PHKB: variants seen among roughly 807,000 people sequenced by gnomAD.
The protein encoded by PHKB is phosphorylase kinase regulatory subunit beta.
PHKB carries 122 observed loss-of-function variants against 152.1 expected under a neutral mutation model. The observed-to-expected ratio is 0.80, with a 90% confidence interval of 0.69 to 0.93. PHKB has a LOEUF of 0.93. Ranked by LOEUF, PHKB falls within the 40% of genes least tolerant of loss-of-function variation. The pLI is 0.00. For missense variants in PHKB, 1,304 were observed against 1,328.4 expected, an observed-to-expected ratio of 0.98 and a Z score of 0.29; for synonymous variants, 436 against 464.9, an observed-to-expected ratio of 0.94 and a Z score of 0.80.
At chr16:47,595,600 G>A (rs998524964) in intron 12 of PHKB, among the ~76,000 whole-genome samples, 1 of 152,158 alleles carries the variant, frequency 6.6e-6, no homozygotes, top group African/African-American at 2.4e-5. Flanking sequence ...CTCTAGCAAT[G>A]GCTCAGAGTT....
intron 6 of PHKB, among the ~76,000 whole-genome samples, chr16:47,528,663 C>T (rs1483027939): frequency 1.3e-5 from 2 of 148,668 alleles, no homozygotes; most frequent in Non-Finnish European, 3.0e-5. Flanking sequence ...GAAAACCCAT[C>T]GAACAGTGGT....
chr16:47,519,357 A>G (rs1237833387), intron 6 of PHKB, among the ~76,000 whole-genome samples: 1 of 152,196 alleles, frequency 6.6e-6, no homozygotes, highest in Non-Finnish European at 1.5e-5. Context: ...TTCACAGCCC[A>G]TGGGTCAGGA....
intron 1 of PHKB, among the ~76,000 whole-genome samples, chr16:47,461,906 G>T (rs1395528324): frequency 6.6e-6 from 1 of 152,174 alleles, no homozygotes; most frequent in African/African-American, 2.4e-5. Context: ...ATTCCCCACA[G>T]GTTCTAAGCA....
At chr16:47,516,246 G>A (rs1203232061) in intron 6 of PHKB, among the ~76,000 whole-genome samples, 1 of 151,974 alleles carries the variant, frequency 6.6e-6, no homozygotes, top group Admixed American at 6.6e-5. Context: ...GTTTTACATC[G>A]TTGCATTTCA....
In PHKB at chr16:47,580,356, C is replaced by T; in HGVS notation, c.772C>T (p.Gln258Ter). The T allele has an allele frequency of 6.2e-7, 1 of 1,607,484 alleles. No homozygotes were observed. The highest frequency in any genetic ancestry group is 8.5e-7 in the Non-Finnish European group (1 of 1,174,422). The change falls in exon 8 of 31, where the codon CAG (glutamine) becomes TAG (stop). Residue 258 changes from glutamine (Q) to a stop codon, truncating the protein, a stop_gained and splice_region_variant. Transcript: ENST00000323584. LOFTEE classifies it high-confidence loss of function. Reference protein sequence around the residue: ...AINGFNLFGNQGCSWSVIFVD... With the variant: ...AINGFNLFGN ...TAATGGATTCAACCTTTTTGGCAAC[C>T]AGGTAAAAAATAAGACCCCCAGAAT...
At chr16:47,694,408 A>T (rs959943726) in intron 28 of PHKB, among the ~76,000 whole-genome samples, 3 of 152,104 alleles carry the variant, frequency 2.0e-5, no homozygotes, top group Non-Finnish European at 2.9e-5. Flanking sequence ...ACCCACACTC[A>T]TTTTGCTTGT....
chr16:47,628,813 A>T (rs1274980409), intron 14 of PHKB, among the ~76,000 whole-genome samples: 4 of 152,164 alleles, frequency 2.6e-5, no homozygotes, highest in Non-Finnish European at 5.9e-5. Context: ...TGGTACTGGT[A>T]CCAAAACAGA....
intron 1 of PHKB, among the ~76,000 whole-genome samples, chr16:47,472,360 A>T (rs1411347094): frequency 1.3e-5 from 2 of 152,218 alleles, no homozygotes; most frequent in East Asian, 3.9e-4. Flanking sequence ...ATCCCTGATT[A>T]GAAAACAACT....
intron 7 of PHKB, chr16:47,566,274 A>G (rs1971565120): frequency 1.1e-6 from 1 of 919,922 alleles, no homozygotes; most frequent in Non-Finnish European, 1.8e-6. Context: ...GTAGTCATCA[A>G]AGCTGTCTGT....
rs147852276 is a variant in PHKB, at chr16:47,530,672, T to A, written c.594+15071T>A. On this transcript the variant is annotated intron_variant, in intron 6 of 30. Coordinates refer to ENST00000323584, the MANE Select transcript of PHKB (RefSeq NM_000293.3). ...TGATCAACATATGGAGAGCAATAAT[T>A]TTATCTATAGAGCAGCAATAACTAG... Among the ~76,000 whole-genome samples, 51 of 152,294 alleles carry A rather than the reference T, an allele frequency of 3.3e-4. No individual in the cohort carries two copies. The East Asian group carries it at 9.1e-3, about 27-fold the overall frequency.
intron 27 of PHKB, 28 bp from the exon 28 acceptor site, chr16:47,693,350 A>C (rs1350769634): frequency 6.2e-7 from 1 of 1,613,316 alleles, no homozygotes; most frequent in Non-Finnish European, 8.5e-7. Flanking sequence ...TTGTTCTTCA[A>C]CTCTGAGACA....
chr16:47,533,312 C>T (rs1970894344), intron 6 of PHKB, among the ~76,000 whole-genome samples: 1 of 152,156 alleles, frequency 6.6e-6, no homozygotes, highest in South Asian at 2.1e-4. Context: ...AGGCACCACA[C>T]GTTCTCACCC....
chr16:47,696,746 G>A (rs962503679), intron 29 of PHKB, among the ~76,000 whole-genome samples: 3 of 152,096 alleles, frequency 2.0e-5, no homozygotes, highest in Non-Finnish European at 4.4e-5. Context: ...AGGGAGAACC[G>A]ACCCCTGCTT....
chr16:47,466,402 C>T (rs1428593522), intron 1 of PHKB, among the ~76,000 whole-genome samples: 2 of 152,212 alleles, frequency 1.3e-5, no homozygotes, highest in Admixed American at 6.5e-5. Flanking sequence ...TCAGCTGTAG[C>T]AATCACCTTG....
chr16:47,588,147 T>G (rs1053727000), intron 9 of PHKB, among the ~76,000 whole-genome samples: 2 of 152,144 alleles, frequency 1.3e-5, no homozygotes, highest in African/African-American at 4.8e-5. Flanking sequence ...TTCAATTCAC[T>G]TTTTCCCCTT....
intron 10 of PHKB, among the ~76,000 whole-genome samples, chr16:47,592,222 C>T (rs1008548605): frequency 2.0e-5 from 3 of 152,192 alleles, no homozygotes; most frequent in South Asian, 2.1e-4. Context: ...CAACTCTCTT[C>T]GGTATTACCA....
intron 28 of PHKB, among the ~76,000 whole-genome samples, chr16:47,696,170 C>T (rs1401905612): frequency 1.3e-5 from 2 of 152,114 alleles, no homozygotes; most frequent in South Asian, 2.1e-4. Flanking sequence ...GTGAAGGTAA[C>T]TACTAAAAAT....
intron 14 of PHKB, among the ~76,000 whole-genome samples, chr16:47,627,937 G>T (rs1293664391): frequency 6.6e-6 from 1 of 152,190 alleles, no homozygotes; most frequent in Non-Finnish European, 1.5e-5. Context: ...TAAAGCATCT[G>T]CCTGATTTCT....
intron 7 of PHKB, among the ~76,000 whole-genome samples, chr16:47,563,453 AG>A (rs758985048): frequency 8.5e-5 from 13 of 152,084 alleles, no homozygotes; most frequent in Non-Finnish European, 1.6e-4. Flanking sequence ...TTGGATAACC[AG>A]GTATATTGTC....
Sources: gnomAD v4.1 joint callset for allele counts (sites outside exome capture counted in the v4.1 genomes callset) on GRCh38, gnomAD v4.1.1 for gene constraint, MANE v1.5 for transcripts, NCBI Gene and HGNC (gene_info 2026-07-23, HGNC 2026-07-21) for gene names.